The following TCF4 variants were observed in gnomAD, a reference collection of about 807,000 sequenced individuals.
TCF4 encodes the protein SL3-3 enhancer factor 2.
Under a neutral mutation model 82.1 loss-of-function variants are expected in TCF4, and 3 were observed. The ratio of observed to expected loss-of-function variants is 0.04; its 90% CI spans 0.02 to 0.09. The LOEUF (loss-of-function observed/expected upper bound fraction) is 0.09, where lower values mean the gene tolerates loss of function less well. Among genes scored for constraint, TCF4 ranks in the 10% least tolerant of loss-of-function variants. The pLI, the probability that TCF4 is intolerant of heterozygous loss-of-function variation, is 1.00. For synonymous variants in TCF4, 276 were observed against 309.6 expected (o/e 0.89, Z 1.14); for missense variants, 518 against 852.7 (o/e 0.61, Z 4.89).
At chr18:55,274,075 A>G (rs2060964167) in intron 10 of TCF4, among the ~76,000 whole-genome samples, 1 of 152,172 alleles carries the variant, frequency 6.6e-6, no homozygotes, top group Admixed American at 6.6e-5. Flanking sequence ...TTTATTTGTA[A>G]TCAAAACTTT....
chr18:55,250,608 T>C (rs574234712), intron 15 of TCF4, among the ~76,000 whole-genome samples: 1 of 152,280 alleles, frequency 6.6e-6, no homozygotes, highest in South Asian at 2.1e-4. Context: ...TGACCACTAT[T>C]ATCATCCTCA....
Position 55,285,326 on chromosome 18 carries a change from T to A in TCF4, c.550-5670A>T, listed in dbSNP as rs538374294. On this transcript the variant is annotated intron_variant, in intron 8 of 19. Transcript: ENST00000354452. ...TCTCTCAGAACTTCAGTTATCTTATTTGTCAAATGAACCATTCTTGTGAGG... is the reference window on the plus strand; with the variant it reads ...TCTCTCAGAACTTCAGTTATCTTATATGTCAAATGAACCATTCTTGTGAGG... Among the ~76,000 whole-genome samples, 24 of 152,310 alleles carry A rather than the reference T, an allele frequency of 1.6e-4. No homozygotes were observed. In the South Asian group the frequency reaches 3.9e-3, roughly 25 times the overall value.
intron 5 of TCF4, among the ~76,000 whole-genome samples, chr18:55,439,944 G>A (rs775132737): frequency 2.0e-4 from 30 of 152,068 alleles, no homozygotes; most frequent in Non-Finnish European, 2.6e-4. Flanking sequence ...GGTTGGTCTC[G>A]AACTCCTGGC....
At position 55,634,064 on chromosome 18, in the gene TCF4, T is replaced by C. The variant is rs189522670; in HGVS notation, c.195+1639A>G. Reference sequence around the variant, plus strand: ...CGGGCGGGTCACCTGAGGTCAGGAGTTCAAGACCAGCCTGGCCAACATGAT... The same window carrying C: ...CGGGCGGGTCACCTGAGGTCAGGAGCTCAAGACCAGCCTGGCCAACATGAT... On this transcript the variant is annotated intron_variant, in intron 1 of 20. Coordinates refer to the TCF4 transcript ENST00000398339. Among the ~76,000 whole-genome samples the C allele has an allele frequency of 2.0e-3, 299 of 151,580 alleles. 2 individuals are homozygous for C. Among genetic ancestry groups the C allele is most frequent in the African/African-American group, 6.9e-3 (286 of 41,320 alleles).
intron 8 of TCF4, among the ~76,000 whole-genome samples, chr18:55,282,929 C>T (rs984442975): frequency 2.0e-5 from 3 of 151,686 alleles, no homozygotes; most frequent in Admixed American, 6.6e-5. Flanking sequence ...CTTTTGTTGC[C>T]GAATTGGAAA....
At chr18:55,538,338 G>C (rs2097137024) in intron 3 of TCF4, among the ~76,000 whole-genome samples, 1 of 152,088 alleles carries the variant, frequency 6.6e-6, no homozygotes, top group South Asian at 2.1e-4. Flanking sequence ...CATGCTCCTA[G>C]ACTTTCTCAT....
intron 3 of TCF4, among the ~76,000 whole-genome samples, chr18:55,563,916 C>T (rs1291275289): frequency 1.3e-5 from 2 of 152,190 alleles, no homozygotes; most frequent in South Asian, 2.1e-4. Flanking sequence ...TTTCCAATGA[C>T]ACTATGACTA....
At chr18:55,236,681 CAAT>C (rs983944778) in intron 15 of TCF4, among the ~76,000 whole-genome samples, 1 of 152,168 alleles carries the variant, frequency 6.6e-6, no homozygotes, top group African/African-American at 2.4e-5. Flanking sequence ...CGGATTCAAT[CAAT>C]GATTATCCTT....
chr18:55,560,847 A>C (rs562413815), intron 3 of TCF4, among the ~76,000 whole-genome samples: 2 of 152,328 alleles, frequency 1.3e-5, no homozygotes, highest in South Asian at 4.1e-4. Flanking sequence ...CTGTTCATAA[A>C]GTGATCACTA....
chr18:55,374,609 G>A (rs979028214), intron 6 of TCF4, among the ~76,000 whole-genome samples: 4 of 151,950 alleles, frequency 2.6e-5, no homozygotes, highest in African/African-American at 9.7e-5. Context: ...CAGTTCTGAA[G>A]TACTAGTCTT....
intron 8 of TCF4, among the ~76,000 whole-genome samples, chr18:55,323,460 A>AAC (rs1021549840): frequency 7.9e-5 from 12 of 151,812 alleles, no homozygotes; most frequent in African/African-American, 2.4e-4. Flanking sequence ...CTCTAAAATA[A>AAC]ACACACACAC....
chr18:55,587,927 C>G (rs1288591921), intron 1 of TCF4, 111 bp downstream of exon 1: 1 of 907,388 alleles, frequency 1.1e-6, no homozygotes, highest in African/African-American at 1.8e-5. Context: ...GCGCCGGGCG[C>G]CGGGAGCCCG....
chr18:55,430,696 T>C (rs2095163569), intron 5 of TCF4, among the ~76,000 whole-genome samples: 1 of 151,662 alleles, frequency 6.6e-6, no homozygotes, highest in Admixed American at 6.6e-5. Flanking sequence ...TTTTTAACAT[T>C]GTGGATGTTG....
At chr18:55,603,126 G>C (rs2147949519) in intron 2 of TCF4, among the ~76,000 whole-genome samples, 1 of 152,140 alleles carries the variant, frequency 6.6e-6, no homozygotes, top group African/African-American at 2.4e-5. Context: ...TGGCACTATT[G>C]ATATTTCAGG....
chr18:55,312,983 T>G (rs1387332269), intron 8 of TCF4, among the ~76,000 whole-genome samples: 1 of 152,184 alleles, frequency 6.6e-6, no homozygotes, highest in Admixed American at 6.5e-5. Context: ...AAGTTTCTGC[T>G]GCAAATGTAA....
chr18:55,582,053 A>C (rs1479210770), intron 3 of TCF4, among the ~76,000 whole-genome samples: 2 of 152,126 alleles, frequency 1.3e-5, no homozygotes, highest in Admixed American at 1.3e-4. Flanking sequence ...CCCAACTTTA[A>C]AACGACTTTT....
chr18:55,290,643 C>A (rs891387008), intron 8 of TCF4, among the ~76,000 whole-genome samples: 6 of 152,150 alleles, frequency 3.9e-5, no homozygotes, highest in African/African-American at 1.4e-4. Flanking sequence ...CTTATTTCTC[C>A]AGTCCCAAAT....
intron 6 of TCF4, among the ~76,000 whole-genome samples, chr18:55,380,592 CACAA>C (rs1309789042): frequency 3.3e-5 from 5 of 152,190 alleles, no homozygotes; most frequent in East Asian, 1.9e-4. Context: ...GGGGATAGGA[CACAA>C]ACAAGCAGCC....
chr18:55,246,354 AG>A (rs2053176014), intron 15 of TCF4, among the ~76,000 whole-genome samples: 1 of 152,130 alleles, frequency 6.6e-6, no homozygotes, highest in African/African-American at 2.4e-5. Flanking sequence ...CCAGAGAACT[AG>A]GATTTGTTTG....
Sources: gnomAD v4.1 joint callset for allele counts (sites outside exome capture counted in the v4.1 genomes callset) on GRCh38, gnomAD v4.1.1 for gene constraint, MANE v1.5 for transcripts, NCBI Gene and HGNC (gene_info 2026-07-23, HGNC 2026-07-21) for gene names.